Variants in SLC46A1 observed in about 807,000 individuals in gnomAD.
The protein encoded by SLC46A1 is solute carrier family 46 member 1, also known as proton-coupled folate transporter.
A neutral mutation model predicts 32.1 loss-of-function variants in SLC46A1; 17 were observed. That is an observed-to-expected ratio of 0.53 (90% CI 0.36 to 0.79). The LOEUF is 0.79. Among genes scored for constraint, SLC46A1 ranks in the 30% least tolerant of loss-of-function variants. SLC46A1 has a pLI of 0.00. For synonymous variants in SLC46A1, 240 were observed against 262.7 expected, an observed-to-expected ratio of 0.91 and a Z score of 0.84; for missense variants, 517 against 588.2, an observed-to-expected ratio of 0.88 and a Z score of 1.25.
chr17:28,402,251 T>G lies in SLC46A1; in HGVS notation c.1152A>C (p.Arg384Ser). The change falls in exon 3 of 5, where the codon AGA becomes AGC. Residue 384 changes from arginine to serine, a missense_variant. Physicochemically the swap from Arg to Ser is moderately radical, Grantham distance 110. Coordinates refer to ENST00000612814, the MANE Select transcript of SLC46A1 (RefSeq NM_080669.6). The part of the protein sequence containing the change: ...VIRAKLSKLV[R>S]ETEQGALFSA... ...TCTGACACTCACCCTGCTCTGTCTC[T>G]CTCACCAGCTTGGAGAGTTTAGCCC... is the stretch of plus-strand genomic sequence containing the variant. The G allele has an allele frequency of 1.9e-6, 3 of 1,613,250 alleles. No individual in the cohort carries two copies. Among genetic ancestry groups the G allele is most frequent in the Non-Finnish European group, 2.5e-6 (3 of 1,179,582 alleles).
rs189103810 is a variant in SLC46A1, at chr17:28,405,185, A to T, written c.512T>A (p.Val171Asp). The T allele has an allele frequency of 1.6e-3, 2,513 of 1,606,542 alleles. 6 individuals are homozygous for T. Among genetic ancestry groups the T allele is most frequent in the Non-Finnish European group, 1.9e-3 (2,220 of 1,176,538 alleles). The change falls in exon 2 of 5, where the codon GTC becomes GAC. Residue 171 changes from valine to aspartate, a missense_variant. Val to Asp is a radical substitution (Grantham distance 152). Transcript: ENST00000612814. ...GAAGGTGCGGCTGCGACTGGAGCTG[A>T]CATCTGCCACGGACGCAAAGCTAGC... Reference protein sequence around the residue: ...LAASFASVADVSSSRSRTFRM... With the variant: ...LAASFASVADDSSSRSRTFRM...
At position 28,405,103 on chromosome 17, in the gene SLC46A1, G is replaced by A. The variant is rs375741617; in HGVS notation, c.594C>T (p.Leu198=). The A allele has an allele frequency of 1.6e-5, 26 of 1,613,636 alleles. No homozygotes were observed. Among genetic ancestry groups the A allele is most frequent in the Non-Finnish European group, 2.1e-5 (25 of 1,179,824 alleles). ...IGVAGMLASL[L]GGHWLRAQGY... is the part of the protein sequence containing the mutation. ...CCTGGGCCCGGAGCCAGTGGCCCCC[G>A]AGGAGGCTTGCCAGCATCCCAGCCA... The change falls in exon 2 of 5, where the codon CTC becomes CTT. Residue 198 remains leucine, a synonymous_variant. Transcript: ENST00000612814.
In SLC46A1 at chr17:28,405,845, A is replaced by C. The variant is rs181017052; in HGVS notation, c.228+42T>G. ...CCCCTCCGCTGCCCCCACGCTCCAGACCAGGGCCCTCCACCTGCCAGGCTC... is the reference window on the plus strand; with the variant it reads ...CCCCTCCGCTGCCCCCACGCTCCAGCCCAGGGCCCTCCACCTGCCAGGCTC... On this transcript the variant is annotated intron_variant, in intron 1 of 4. Transcript: ENST00000612814. 2.3e-4 allele frequency: 352 copies of C among 1,528,434 alleles called. 1 individual carries two copies. The African/African-American group carries it at 4.3e-3, about 19-fold the overall frequency. 94.7% of individuals were successfully genotyped at this position (1,528,434 alleles called of 1,614,324 possible).
rs369191223 is a variant in SLC46A1, at chr17:28,405,308, A to G, written c.389T>C (p.Val130Ala). The change falls in exon 2 of 5, where the codon GTG (valine) becomes GCG (alanine). Residue 130 changes from valine (V) to alanine (A), a missense_variant. Transcript: ENST00000612814. ...CTGCAGCTGCACCACAAAAACGGAC[A>G]CTAGGGCCTGGAGCAGCAGGCCCAG... ...ASLGLLLQAL[V>A]SVFVVQLQLH... is the part of the protein sequence containing the mutation. The G allele has an allele frequency of 8.8e-6, 14 of 1,589,620 alleles. No homozygotes were observed. In the African/African-American group the frequency reaches 1.9e-4, roughly 21 times the overall value.
intron 4 of SLC46A1, chr17:28,400,123 G>A (rs774508059): frequency 3.5e-5 from 8 of 231,398 alleles, no homozygotes; most frequent in Admixed American, 5.1e-5. Flanking sequence ...TTGAATTCCC[G>A]GGCTCAAGTG....
Position 28,395,846 on chromosome 17 carries a change from G to T in SLC46A1, c.*3810C>A. Reference sequence around the variant, plus strand: ...CAGTGGGCCTCCCAGCACCTGCCTGGCTACAAGGGTCCCTAGATGGGTACA... The same window carrying T: ...CAGTGGGCCTCCCAGCACCTGCCTGTCTACAAGGGTCCCTAGATGGGTACA... On this transcript the variant is annotated 3_prime_UTR_variant, in exon 5 of 5. Coordinates refer to ENST00000612814, the MANE Select transcript of SLC46A1 (RefSeq NM_080669.6). 6.2e-7 allele frequency: 1 copy of T among 1,602,046 alleles called. No homozygotes were observed. The highest frequency in any genetic ancestry group is 8.5e-7 in the Non-Finnish European group (1 of 1,175,444).
rs1555591406 is a variant in SLC46A1 at position 28,406,134 on chromosome 17, G to A, written c.-20C>T. 4 of 1,367,608 alleles carry A rather than the reference G, an allele frequency of 2.9e-6. No individual in the cohort carries two copies. The African/African-American group carries it at 6.1e-5, about 21-fold the overall frequency. 84.7% of individuals were successfully genotyped at this position (1,367,608 alleles called of 1,614,324 possible). ...CTCCATGTGCGTGCGCGGCGGAGCT[G>A]TCGCCAGGCGGGCGGCGGGGCGCGC... On this transcript the variant is annotated 5_prime_UTR_variant, in exon 1 of 5. Coordinates refer to ENST00000612814, the MANE Select transcript of SLC46A1 (RefSeq NM_080669.6). The surrounding 1 kb of genome is among the most constrained non-coding windows in gnomAD (Gnocchi z 4.5).
At chr17:28,404,447 T>C (rs547242500) in intron 2 of SLC46A1, 169 bp downstream of exon 2, 4 of 808,374 alleles carry the variant, frequency 4.9e-6, no homozygotes, top group South Asian at 3.2e-5. Context: ...GTATCAAAGA[T>C]GGCATTTTTG....
At chr17:28,401,670 AC>A (rs1293822147) in intron 3 of SLC46A1, 1 of 152,262 alleles carries the variant, frequency 6.6e-6, no homozygotes, top group African/African-American at 2.4e-5. Flanking sequence ...AAAGCAAACC[AC>A]CCACATCACA....
chr17:28,406,085 C>A lies in SLC46A1; in HGVS notation c.30G>T (p.Lys10Asn). 6.3e-7 allele frequency: 1 copy of A among 1,576,962 alleles called. No individual in the cohort carries two copies. Among genetic ancestry groups the A allele is most frequent in the Non-Finnish European group, 8.6e-7 (1 of 1,164,102 alleles). Residue 10 changes from lysine to asparagine, a missense_variant, in exon 1 of 5, where the codon AAG becomes AAT. Physicochemically the swap from Lys to Asn is moderately conservative, Grantham distance 94. Transcript: ENST00000612814. The surrounding 1 kb of genome is among the most constrained non-coding windows in gnomAD (Gnocchi z 4.5). The stretch of plus-strand genomic sequence containing the variant: ...CGGCAGCCGCAGGGCGGGCGCGGGG[C>A]TTTTCCGGGGGGCTCGCGCTCCCCT... MEGSASPPE[K>N]PRARPAAAVL...
In SLC46A1 at chr17:28,396,967, G is replaced by C. The variant is rs533548408; in HGVS notation, c.*2689C>G. On this transcript the variant is annotated 3_prime_UTR_variant, in exon 5 of 5. Transcript: ENST00000612814. ...CTTCCTTGTCACTGCAGCCAGCTTT[G>C]CTGCACTTGCTGGTGCACAGGAGCC... 1 of 152,548 alleles carries C rather than the reference G, an allele frequency of 6.6e-6. No homozygotes were observed. The highest frequency in any genetic ancestry group is 1.9e-4 in the East Asian group (1 of 5,184). 9.4% of individuals were successfully genotyped at this position (152,548 alleles called of 1,614,324 possible). A position where few individuals can be genotyped will look rare whatever the true frequency, so the allele number is the denominator to read the frequency against.
Position 28,396,425 on chromosome 17 carries a change from C to A in SLC46A1, c.*3231G>T, listed in dbSNP as rs2068124861. On this transcript the variant is annotated 3_prime_UTR_variant, in exon 5 of 5. Coordinates refer to ENST00000612814, the MANE Select transcript of SLC46A1 (RefSeq NM_080669.6). ...AATGGCTCTCCCTCCCCCTGTCCCC[C>A]ACCCTCATGGCCCACCTCCAACCCA... The A allele has an allele frequency of 6.2e-6, 6 of 968,796 alleles. No homozygotes were observed. Among genetic ancestry groups the A allele is most frequent in the Non-Finnish European group, 9.2e-6 (6 of 648,930 alleles). 60.0% of individuals were successfully genotyped at this position (968,796 alleles called of 1,614,324 possible). A position where few individuals can be genotyped will look rare whatever the true frequency, so the allele number is the denominator to read the frequency against.
chr17:28,395,816 C>G lies in SLC46A1; in HGVS notation c.*3840G>C. ...TGGTGTCCTGCCCTGGGCCCAGCCTCGGGCCAGTGGGCCTCCCAGCACCTG... is the reference window on the plus strand; with the variant it reads ...TGGTGTCCTGCCCTGGGCCCAGCCTGGGGCCAGTGGGCCTCCCAGCACCTG... On this transcript the variant is annotated 3_prime_UTR_variant, in exon 5 of 5. Transcript: ENST00000612814. 1 of 1,510,860 alleles carries G rather than the reference C, an allele frequency of 6.6e-7. No individual in the cohort carries two copies. 93.6% of individuals were successfully genotyped at this position (1,510,860 alleles called of 1,614,324 possible).
rs781905808 is a variant in SLC46A1, at chr17:28,404,500, A to T, written c.1081+116T>A. 4.3e-5 allele frequency: 59 copies of T among 1,356,608 alleles called. 1 individual carries two copies. The highest frequency in any genetic ancestry group is 6.0e-5 in the Non-Finnish European group (58 of 974,586). The allele number at this position is 1,356,608 out of a possible 1,614,324, so 84.0% of individuals were successfully genotyped here. On this transcript the variant is annotated intron_variant, in intron 2 of 4. Transcript: ENST00000612814. ...CTGTTCTCCAGTGCAGGCTGGGGGC[A>T]TAACTATGTTTCCAAAGACACAGGA...
rs1555589399 is a variant in SLC46A1 at position 28,400,694 on chromosome 17, A to G, written c.1238T>C (p.Leu413Pro). Residue 413 changes from leucine (L) to proline (P), a missense_variant, in exon 4 of 5, where the codon CTC becomes CCC. Coordinates refer to ENST00000612814, the MANE Select transcript of SLC46A1 (RefSeq NM_080669.6). Reference sequence around the variant, plus strand: ...CATAAAGTTCAGAGTGGCTGGGTAGAGTGAGTTGAAGATGCCGGAGGCCGT... The same window carrying G: ...CATAAAGTTCAGAGTGGCTGGGTAGGGTGAGTTGAAGATGCCGGAGGCCGT... ...MLTASGIFNS[L>P]YPATLNFMKG... is the part of the protein sequence containing the mutation. 6.2e-7 allele frequency: 1 copy of G among 1,611,750 alleles called. No individual in the cohort carries two copies. The highest frequency in any genetic ancestry group is 8.5e-7 in the Non-Finnish European group (1 of 1,179,134).
At position 28,406,062 on chromosome 17, in the gene SLC46A1, G is replaced by T; in HGVS notation, c.53C>A (p.Ala18Asp). The T allele has an allele frequency of 6.3e-7, 1 of 1,598,718 alleles. No individual in the cohort carries two copies. Among genetic ancestry groups the T allele is most frequent in the Non-Finnish European group, 8.5e-7 (1 of 1,174,480 alleles). Reference protein sequence around the residue: ...PEKPRARPAAAVLCRGPVEPL... With the variant: ...PEKPRARPAADVLCRGPVEPL... ...CTCTACCGGGCCCCGGCACAGCACG[G>T]CAGCCGCAGGGCGGGCGCGGGGCTT... The change falls in exon 1 of 5, where the codon GCC (alanine) becomes GAC (aspartate). Residue 18 changes from alanine to aspartate, a missense_variant. Transcript: ENST00000612814. This position sits in a 1 kb window ranked among gnomAD's most constrained non-coding sequence, Gnocchi z 4.5.
upstream of SLC46A1, chr17:28,406,530 A>C: frequency 1.2e-5 from 2 of 167,158 alleles, no homozygotes; most frequent in East Asian, 1.7e-4. This position sits in a 1 kb window ranked among gnomAD's most constrained non-coding sequence, Gnocchi z 4.5. Flanking sequence ...GCCAATATTA[A>C]CCATCGCTAT....
intron 2 of SLC46A1, chr17:28,403,200 A>G (rs1319115619): frequency 6.6e-6 from 1 of 152,244 alleles, no homozygotes; most frequent in African/African-American, 2.4e-5. Context: ...CAGAACTGTG[A>G]GAGAATATGT....
rs773480947 is a variant in SLC46A1 at position 28,396,408 on chromosome 17, T to G, written c.*3248A>C. 13 of 1,146,420 alleles carry G rather than the reference T, an allele frequency of 1.1e-5. No homozygotes were observed. The highest frequency in any genetic ancestry group is 1.6e-5 in the Non-Finnish European group (13 of 795,710). 71.0% of individuals were successfully genotyped at this position (1,146,420 alleles called of 1,614,324 possible). A position where few individuals can be genotyped will look rare whatever the true frequency, so the allele number is the denominator to read the frequency against. On this transcript the variant is annotated 3_prime_UTR_variant, in exon 5 of 5. Transcript: ENST00000612814. ...CTGGGCTCTTCTTAGGAAATGGCTC[T>G]CCCTCCCCCTGTCCCCCACCCTCAT...
Sources: gnomAD v4.1 joint callset for allele counts on GRCh38, gnomAD v4.1.1 for gene constraint, Gnocchi (gnomAD v3.1) non-coding constraint, MANE v1.5 for transcripts, NCBI Gene and HGNC (gene_info 2026-07-23, HGNC 2026-07-21) for gene names.